CNTN1: variants seen among roughly 807,000 people sequenced by gnomAD.
CNTN1 encodes contactin-1.
Under a neutral mutation model 126.4 loss-of-function variants are expected in CNTN1, and 38 were observed. The observed-to-expected ratio is 0.30, with a 90% confidence interval of 0.23 to 0.39. CNTN1 has a LOEUF of 0.39. CNTN1 is among the 10% of genes least tolerant of loss of function. The pLI, the probability that CNTN1 is intolerant of heterozygous loss-of-function variation, is 1.00. For missense variants in CNTN1, 1,009 were observed against 1,248.4 expected (o/e 0.81, Z 2.89); for synonymous variants, 413 against 422.6 (o/e 0.98, Z 0.28).
chr12:41,018,250 G>A (rs141132448), intron 19 of CNTN1, among the ~76,000 whole-genome samples: 329 of 152,202 alleles, frequency 2.2e-3, no homozygotes, highest in African/African-American at 7.6e-3. Context: ...TGTGTGAGAA[G>A]CACAAATAGA....
chr12:40,923,824 G>A (rs1945536392), intron 5 of CNTN1, among the ~76,000 whole-genome samples: 1 of 152,086 alleles, frequency 6.6e-6, no homozygotes, highest in South Asian at 2.1e-4. Context: ...TAGCATAGAT[G>A]AATTTTCAGA....
intron 1 of CNTN1, among the ~76,000 whole-genome samples, chr12:40,695,549 C>T (rs1001498576): frequency 2.0e-5 from 3 of 152,158 alleles, no homozygotes; most frequent in Non-Finnish European, 4.4e-5. Context: ...TCTCCAATTT[C>T]CATCTATTTC....
chr12:40,963,296 T>C (rs1174324559), intron 15 of CNTN1, among the ~76,000 whole-genome samples: 1 of 151,994 alleles, frequency 6.6e-6, no homozygotes, highest in Non-Finnish European at 1.5e-5. Context: ...TAAAATGCTA[T>C]GCTTGATATG....
At chr12:40,762,809 AAATAAT>A (rs374393614) in intron 1 of CNTN1, among the ~76,000 whole-genome samples, 1 of 152,152 alleles carries the variant, frequency 6.6e-6, no homozygotes, top group African/African-American at 2.4e-5. Context: ...GGAATTGAGT[AAATAAT>A]AATAATAATG....
intron 16 of CNTN1, among the ~76,000 whole-genome samples, chr12:40,989,036 G>T (rs1948036812): frequency 6.6e-6 from 1 of 152,160 alleles, no homozygotes; most frequent in Admixed American, 6.6e-5. Flanking sequence ...CAAACAGGTT[G>T]CAAGGAACTT....
intron 1 of CNTN1, among the ~76,000 whole-genome samples, chr12:40,727,662 A>T (rs1192420521): frequency 6.6e-6 from 1 of 152,210 alleles, no homozygotes; most frequent in Non-Finnish European, 1.5e-5. Context: ...TCAATCCTAT[A>T]TTAGGCCATA....
Position 40,898,174 on chromosome 12 carries a change from G to T in CNTN1, c.-76-10183G>T, listed in dbSNP as rs117351144. ...TAGGCATCATGTTATATGATGTGGG[G>T]GGTATAGAAAAAGGAATGAGATAAT... On this transcript the variant is annotated intron_variant, in intron 1 of 23. Coordinates refer to ENST00000551295, the MANE Select transcript of CNTN1 (RefSeq NM_001843.4). 1.5e-4 allele frequency among the ~76,000 whole-genome samples: 23 copies of T among 152,192 alleles called. No individual in the cohort carries two copies. The East Asian group carries it at 2.1e-3, about 14-fold the overall frequency.
At chr12:40,708,997 G>C (rs1941840850) in intron 1 of CNTN1, among the ~76,000 whole-genome samples, 1 of 152,122 alleles carries the variant, frequency 6.6e-6, no homozygotes, top group Admixed American at 6.5e-5. Flanking sequence ...CCTCCCAAAT[G>C]TACTCAATGA....
rs1354982341 is a variant in CNTN1, at chr12:40,943,668, G to A, written c.1451G>A (p.Cys484Tyr). Residue 484 changes from cysteine to tyrosine, a missense_variant, in exon 13 of 24, where the codon TGC (cysteine) becomes TAC (tyrosine). Cys to Tyr is a radical substitution (Grantham distance 194). Transcript: ENST00000551295. ...AGGAATGATGGAGGTATCTATACATGCTTTGCAGAAAATAACAGAGGGAAA... is the reference window on the plus strand; with the variant it reads ...AGGAATGATGGAGGTATCTATACATACTTTGCAGAAAATAACAGAGGGAAA... Reference protein sequence around the residue: ...ITRNDGGIYTCFAENNRGKAN... With the variant: ...ITRNDGGIYTYFAENNRGKAN... 6.2e-7 allele frequency: 1 copy of A among 1,611,872 alleles called. No individual in the cohort carries two copies. Among genetic ancestry groups the A allele is most frequent in the Non-Finnish European group, 8.5e-7 (1 of 1,178,354 alleles).
At chr12:40,915,132 G>T (rs1456716563) in intron 3 of CNTN1, among the ~76,000 whole-genome samples, 1 of 151,862 alleles carries the variant, frequency 6.6e-6, no homozygotes, top group African/African-American at 2.4e-5. Context: ...TTAAATGAAA[G>T]GATACATTAT....
intron 1 of CNTN1, among the ~76,000 whole-genome samples, chr12:40,861,361 A>T (rs1432193237): frequency 6.6e-6 from 1 of 152,150 alleles, no homozygotes; most frequent in Non-Finnish European, 1.5e-5. Flanking sequence ...TTAGAAAAAA[A>T]TACATACTCA....
At chr12:41,045,984 C>T (rs7316474) in intron 23 of CNTN1, among the ~76,000 whole-genome samples, 1,606 of 152,078 alleles carry the variant, frequency 0.011, 31 homozygotes, top group African/African-American at 0.037. Flanking sequence ...TTGAAGGTTA[C>T]AGAAAATGCA....
chr12:41,063,177 G>A (rs1949975173), intron 23 of CNTN1, among the ~76,000 whole-genome samples: 1 of 152,228 alleles, frequency 6.6e-6, no homozygotes, highest in Non-Finnish European at 1.5e-5. Flanking sequence ...ACTCTGACAA[G>A]TTCACTGAAA....
At chr12:40,993,406 T>G (rs1177467708) in intron 17 of CNTN1, 137 bp downstream of exon 17, 1 of 689,250 alleles carries the variant, frequency 1.5e-6, no homozygotes, top group African/African-American at 1.8e-5. Flanking sequence ...TATTTCACTA[T>G]CAAGACAGTC....
At chr12:40,741,909 A>G (rs1331581560) in intron 1 of CNTN1, among the ~76,000 whole-genome samples, 1 of 93,000 alleles carries the variant, frequency 1.1e-5, no homozygotes, top group African/African-American at 3.1e-5. Flanking sequence ...TGAACTTGCT[A>G]TTATGTTTTT....
intron 1 of CNTN1, among the ~76,000 whole-genome samples, chr12:40,887,927 C>T (rs2136716425): frequency 6.7e-6 from 1 of 148,838 alleles, no homozygotes; most frequent in Non-Finnish European, 1.5e-5. Context: ...AAAAACCAAA[C>T]ACTGCATGTT....
chr12:40,909,245 G>A (rs1420308528), intron 2 of CNTN1, among the ~76,000 whole-genome samples: 1 of 151,944 alleles, frequency 6.6e-6, no homozygotes, highest in Non-Finnish European at 1.5e-5. Context: ...GTCTTTCAAA[G>A]GCAAGTGTGA....
chr12:40,803,438 A>C (rs1395410353), intron 1 of CNTN1, among the ~76,000 whole-genome samples: 1 of 151,982 alleles, frequency 6.6e-6, no homozygotes, highest in Non-Finnish European at 1.5e-5. Flanking sequence ...TTTTGCTTTA[A>C]TTTTAGCAGA....
At chr12:41,035,470 G>T (rs560648490) in intron 23 of CNTN1, among the ~76,000 whole-genome samples, 1 of 152,228 alleles carries the variant, frequency 6.6e-6, no homozygotes, top group South Asian at 2.1e-4. Context: ...CAGGCATTCT[G>T]CTGGGCTATT....
Sources: gnomAD v4.1 joint callset for allele counts (sites outside exome capture counted in the v4.1 genomes callset) on GRCh38, gnomAD v4.1.1 for gene constraint, MANE v1.5 for transcripts, NCBI Gene and HGNC (gene_info 2026-07-23, HGNC 2026-07-21) for gene names.